STK24: variants seen among roughly 807,000 people sequenced by gnomAD.
The protein encoded by STK24 is serine/threonine kinase 24.
Under a neutral mutation model 55.6 loss-of-function variants are expected in STK24, and 21 were observed. The observed-to-expected ratio is 0.38, with a 90% confidence interval of 0.27 to 0.54. The LOEUF (loss-of-function observed/expected upper bound fraction) is 0.54, where lower values mean the gene tolerates loss of function less well. Ranked by LOEUF, STK24 falls within the 20% of genes least tolerant of loss-of-function variation. The pLI, the probability that STK24 is intolerant of heterozygous loss-of-function variation, is 0.79. For synonymous variants in STK24, 200 were observed against 215.2 expected (o/e 0.93, Z 0.62); for missense variants, 383 against 538.4 (o/e 0.71, Z 2.86).
rs767112393 is a variant in STK24, at chr13:98,449,701, A to G, written c.*3472T>C. On this transcript the variant is annotated 3_prime_UTR_variant, in exon 11 of 11. Coordinates refer to ENST00000539966, the MANE Select transcript of STK24 (RefSeq NM_001032296.4). ...TTACAAGATGTACCAGACGGTTTCCAGTACTAACAAAGGGAATAAAAATAC... is the reference window on the plus strand; with the variant it reads ...TTACAAGATGTACCAGACGGTTTCCGGTACTAACAAAGGGAATAAAAATAC... 3 of 152,350 alleles carry G rather than the reference A, an allele frequency of 2.0e-5. No individual in the cohort carries two copies. The highest frequency in any genetic ancestry group is 2.9e-5 in the Non-Finnish European group (2 of 68,008). 9.4% of individuals were successfully genotyped at this position (152,350 alleles called of 1,614,324 possible).
chr13:98,569,436 A>C (rs563424936), intron 1 of STK24, among the ~76,000 whole-genome samples: 33 of 151,988 alleles, frequency 2.2e-4, no homozygotes, highest in Middle Eastern at 3.4e-3. Flanking sequence ...ACAAAAAAAA[A>C]CAAAACAGAT....
chr13:98,570,936 C>G (rs1285042430), intron 1 of STK24, among the ~76,000 whole-genome samples: 1 of 152,126 alleles, frequency 6.6e-6, no homozygotes, highest in African/African-American at 2.4e-5. Context: ...ACTTCTATTT[C>G]CTGCACTCAC....
chr13:98,575,433 A>G (rs1335135131), intron 1 of STK24, among the ~76,000 whole-genome samples: 2 of 126,852 alleles, frequency 1.6e-5, no homozygotes, highest in East Asian at 4.7e-4. Flanking sequence ...ACACACATAT[A>G]CACACACACA....
intron 1 of STK24, chr13:98,575,858 G>C (rs1256471539): frequency 8.9e-6 from 2 of 225,926 alleles, no homozygotes; most frequent in Non-Finnish European, 7.4e-6. Context: ...CGGTAGCTTT[G>C]TTTTTCAAAG....
At chr13:98,476,240 G>GCA (rs1555303357) in intron 3 of STK24, among the ~76,000 whole-genome samples, 13 of 141,596 alleles carry the variant, frequency 9.2e-5, no homozygotes, top group African/African-American at 1.8e-4. Context: ...CAGACGGGAA[G>GCA]CCCCCCCCCG....
Position 98,452,239 on chromosome 13 carries a change from G to A in STK24, c.*934C>T, listed in dbSNP as rs1321811626. ...GATGATATGCAGAATCCACTACAAGGTGCAACAGAAAATCGTATTGGAAAG... is the reference window on the plus strand; with the variant it reads ...GATGATATGCAGAATCCACTACAAGATGCAACAGAAAATCGTATTGGAAAG... On this transcript the variant is annotated 3_prime_UTR_variant, in exon 11 of 11. Transcript: ENST00000539966. 6.6e-6 allele frequency: 1 copy of A among 152,188 alleles called. No individual in the cohort carries two copies. The highest frequency in any genetic ancestry group is 1.5e-5 in the Non-Finnish European group (1 of 68,028). The allele number at this position is 152,188 out of a possible 1,614,324, so 9.4% of individuals were successfully genotyped here. A position where few individuals can be genotyped will look rare whatever the true frequency, so the allele number is the denominator to read the frequency against.
chr13:98,463,656 A>G lies in STK24; in HGVS notation c.929+35T>C, dbSNP rs569386635. ...TGACAAAGACCAGCGGATCCCTCCC[A>G]CACACATGCTTGGGTCACTCAGGGG... is the stretch of plus-strand genomic sequence containing the variant. On this transcript the variant is annotated intron_variant, in intron 7 of 10. Transcript: ENST00000539966. 8.8e-6 allele frequency: 14 copies of G among 1,594,940 alleles called. No homozygotes were observed. In the South Asian group the frequency reaches 1.6e-4, roughly 18 times the overall value.
chr13:98,534,611 G>GT (rs1419262612), intron 1 of STK24, among the ~76,000 whole-genome samples: 1 of 152,188 alleles, frequency 6.6e-6, no homozygotes, highest in Non-Finnish European at 1.5e-5. Context: ...GATCACTGTT[G>GT]TAAAAACTAA....
chr13:98,506,313 A>T (rs1342588275), intron 2 of STK24, among the ~76,000 whole-genome samples: 2 of 152,258 alleles, frequency 1.3e-5, no homozygotes, highest in Non-Finnish European at 2.9e-5. Flanking sequence ...ACAGGTCGTC[A>T]GGAAGGATAC....
chr13:98,448,489 G>A lies in STK24; in HGVS notation c.*4684C>T. ...TTTTAACCCCGACCTCTCAGCGTCT[G>A]AATGAACAGCGCTCCCACCTCCAGT... On this transcript the variant is annotated 3_prime_UTR_variant, in exon 11 of 11. Transcript: ENST00000539966. The A allele has an allele frequency of 1.7e-6, 1 of 604,990 alleles. No homozygotes were observed. Among genetic ancestry groups the A allele is most frequent in the South Asian group, 2.0e-5 (1 of 50,558 alleles). The allele number at this position is 604,990 out of a possible 1,614,324, so 37.5% of individuals were successfully genotyped here.
At chr13:98,504,844 TGG>T in intron 2 of STK24, among the ~76,000 whole-genome samples, 1 of 152,098 alleles carries the variant, frequency 6.6e-6, no homozygotes, top group South Asian at 2.1e-4. Flanking sequence ...GCACAAGGTG[TGG>T]ATGGAGGCAG....
In STK24 at chr13:98,445,995, C is replaced by T. The variant is rs116655378; in HGVS notation, c.*7178G>A. ...GGGTGGGGCCCACATCCTTCAGTCA[C>T]GGACATGCCCCAGCCCAGGGCCCTG... On this transcript the variant is annotated 3_prime_UTR_variant, in exon 11 of 11. Transcript: ENST00000539966. 1.8e-3 allele frequency: 1,331 copies of T among 754,958 alleles called. 16 individuals are homozygous for T. The African/African-American group carries it at 0.02, about 11-fold the overall frequency. The allele number at this position is 754,958 out of a possible 1,614,324, so 46.8% of individuals were successfully genotyped here.
chr13:98,474,424 C>T (rs1018514580), intron 5 of STK24, among the ~76,000 whole-genome samples: 5 of 152,224 alleles, frequency 3.3e-5, no homozygotes, highest in African/African-American at 4.8e-5. Flanking sequence ...TCAAGGTTGC[C>T]GATTCCACGC....
intron 2 of STK24, among the ~76,000 whole-genome samples, chr13:98,490,482 C>T (rs1178307138): frequency 2.0e-5 from 3 of 152,110 alleles, no homozygotes; most frequent in Non-Finnish European, 4.4e-5. Flanking sequence ...TCACTCTTCC[C>T]ATGTACTACC....
chr13:98,506,223 C>T (rs907205567), intron 2 of STK24, among the ~76,000 whole-genome samples: 3 of 152,144 alleles, frequency 2.0e-5, no homozygotes, highest in African/African-American at 7.2e-5. Context: ...TAGAGCCCGA[C>T]GGGTCTGAAC....
rs544500413 is a variant in STK24 at position 98,535,481 on chromosome 13, C to G, written c.43-16008G>C. ...GTATATAGTTCCTTGGAAAGTGAAA[C>G]TGGCACCTCCTTTATTAAAATCAAA... On this transcript the variant is annotated intron_variant, in intron 1 of 10. Coordinates refer to ENST00000539966, the MANE Select transcript of STK24 (RefSeq NM_001032296.4). Among the ~76,000 whole-genome samples, 4 of 148,958 alleles carry G rather than the reference C, an allele frequency of 2.7e-5. No individual in the cohort carries two copies. In the South Asian group the frequency reaches 8.5e-4, roughly 32 times the overall value.
intron 1 of STK24, among the ~76,000 whole-genome samples, chr13:98,539,130 TCCATTC>T (rs201318805): frequency 0.011 from 1,733 of 152,258 alleles, 28 homozygotes; most frequent in African/African-American, 0.038. Flanking sequence ...ATTTTCCATT[TCCATTC>T]GGCTCACTCC....
intron 1 of STK24, among the ~76,000 whole-genome samples, chr13:98,562,169 T>C (rs1566406402): frequency 2.0e-5 from 3 of 152,088 alleles, no homozygotes; most frequent in Admixed American, 2.0e-4. Context: ...TAAGGAAATG[T>C]GTGTACGCAG....
chr13:98,486,347 G>T (rs1894807082), intron 2 of STK24, among the ~76,000 whole-genome samples: 1 of 152,132 alleles, frequency 6.6e-6, no homozygotes, highest in South Asian at 2.1e-4. Flanking sequence ...CAACATGGGC[G>T]CCAGAAGAGG....
Sources: gnomAD v4.1 joint callset for allele counts (sites outside exome capture counted in the v4.1 genomes callset) on GRCh38, gnomAD v4.1.1 for gene constraint, MANE v1.5 for transcripts, NCBI Gene and HGNC (gene_info 2026-07-23, HGNC 2026-07-21) for gene names.